Variants in BLTP1 observed in about 807,000 individuals in gnomAD.
The protein encoded by BLTP1 is fragile site-associated protein.
the BLTP1 span, chr4:122,227,545 A>C: frequency 1.2e-6 from 1 of 864,116 alleles, no homozygotes; most frequent in Non-Finnish European, 1.4e-6. Context: ...CTGGTTCTAC[A>C]ACACAGTGGT....
At chr4:122,313,705 A>C in the BLTP1 span, 1 of 1,389,534 alleles carries the variant, frequency 7.2e-7, no homozygotes. Flanking sequence ...CACATGCAGC[A>C]TTATTTTATG....
At chr4:122,247,406 G>C in the BLTP1 span, 1 of 1,600,030 alleles carries the variant, frequency 6.2e-7, no homozygotes, top group Non-Finnish European at 8.6e-7. Flanking sequence ...ATAAATGTAA[G>C]ATGATTTTGC....
the BLTP1 span, among the ~76,000 whole-genome samples, chr4:122,355,427 C>T: frequency 6.6e-5 from 10 of 151,758 alleles, no homozygotes; most frequent in East Asian, 1.7e-3. Context: ...GACATGAATT[C>T]AGTTGAGAAT....
chr4:122,294,058 C>T, the BLTP1 span, among the ~76,000 whole-genome samples: 1 of 152,176 alleles, frequency 6.6e-6, no homozygotes, highest in Non-Finnish European at 1.5e-5. Context: ...CAGGGCCTCC[C>T]TGCAGGAATT....
the BLTP1 span, chr4:122,224,720 C>T: frequency 1.9e-6 from 3 of 1,613,478 alleles, no homozygotes; most frequent in South Asian, 1.1e-5. Flanking sequence ...TTTTCTTTTT[C>T]CTTTCTCTAC....
At chr4:122,300,410 G>C in the BLTP1 span, among the ~76,000 whole-genome samples, 7,590 of 151,974 alleles carry the variant, frequency 0.05, 271 homozygotes, top group Non-Finnish European at 0.075. Flanking sequence ...TTCCCTTTCT[G>C]GTGTATTTAT....
At chr4:122,204,937 G>A in the BLTP1 span, 1 of 349,642 alleles carries the variant, frequency 2.9e-6, no homozygotes. Flanking sequence ...TCTATTAATA[G>A]AACAGGTTAA....
At chr4:122,211,182 C>T in the BLTP1 span, 4 of 1,172,050 alleles carry the variant, frequency 3.4e-6, no homozygotes, top group African/African-American at 1.5e-5. Context: ...TTTGAAATAG[C>T]CAGTTGGATT....
chr4:122,225,068 C>G, the BLTP1 span: 12 of 921,408 alleles, frequency 1.3e-5, no homozygotes, highest in Non-Finnish European at 1.6e-5. Context: ...ACTTTGTTTT[C>G]TTACATATGT....
At chr4:122,328,172 T>G in the BLTP1 span, 3 of 1,610,920 alleles carry the variant, frequency 1.9e-6, no homozygotes, top group Non-Finnish European at 2.5e-6. Context: ...ATTCATCAAA[T>G]AGTGAAGGAT....
chr4:122,319,892 G>T, the BLTP1 span, among the ~76,000 whole-genome samples: 2 of 151,892 alleles, frequency 1.3e-5, no homozygotes, highest in African/African-American at 4.8e-5. Flanking sequence ...TCCAGAATGT[G>T]GTCTCTCTTG....
chr4:122,343,722 T>C, the BLTP1 span: 2 of 1,197,328 alleles, frequency 1.7e-6, no homozygotes, highest in African/African-American at 1.5e-5. Flanking sequence ...TTTTTGTATT[T>C]TTCCTCTTTG....
chr4:122,223,774 A>T, the BLTP1 span, among the ~76,000 whole-genome samples: 29 of 152,280 alleles, frequency 1.9e-4, no homozygotes, highest in Non-Finnish European at 3.7e-4. Context: ...AGCACTGAAG[A>T]TGAAAAAAAG....
chr4:122,172,378 A>C, the BLTP1 span: 1 of 663,740 alleles, frequency 1.5e-6, no homozygotes, highest in South Asian at 6.9e-5. Flanking sequence ...TTGTATATTC[A>C]TGAACTAGAT....
the BLTP1 span, among the ~76,000 whole-genome samples, chr4:122,265,318 A>C: frequency 6.6e-6 from 1 of 152,148 alleles, no homozygotes; most frequent in Non-Finnish European, 1.5e-5. Context: ...ATGCAATGTA[A>C]ATGCTACGTC....
the BLTP1 span, among the ~76,000 whole-genome samples, chr4:122,282,566 C>A: frequency 2.6e-5 from 4 of 152,064 alleles, no homozygotes; most frequent in Non-Finnish European, 5.9e-5. Context: ...CGCTTGAATC[C>A]GGGAGGCGGA....
At chr4:122,337,818 G>A in the BLTP1 span, among the ~76,000 whole-genome samples, 3 of 148,728 alleles carry the variant, frequency 2.0e-5, no homozygotes, top group East Asian at 3.9e-4. Flanking sequence ...GCCTTTGGGA[G>A]TATATATTAG....
chr4:122,164,803 C>T, the BLTP1 span, among the ~76,000 whole-genome samples: 1 of 151,166 alleles, frequency 6.6e-6, no homozygotes, highest in Admixed American at 6.6e-5. Context: ...AATGTTAATA[C>T]AAAACTTTTC....
the BLTP1 span, among the ~76,000 whole-genome samples, chr4:122,360,820 A>G: frequency 4.3e-3 from 662 of 152,376 alleles, 7 homozygotes; most frequent in African/African-American, 0.015. Flanking sequence ...TTTAAATAAT[A>G]ATGTATTTAA....
Sources: gnomAD v4.1 joint callset for allele counts (sites outside exome capture counted in the v4.1 genomes callset) on GRCh38, gnomAD v4.1.1 for gene constraint, MANE v1.5 for transcripts, NCBI Gene and HGNC (gene_info 2026-07-23, HGNC 2026-07-21) for gene names.